Variants in MMP7 observed in about 807,000 individuals in gnomAD.
MMP7 encodes the protein matrix metallopeptidase 7.
MMP7 carries 26 observed loss-of-function variants against 31.5 expected under a neutral mutation model. That is an observed-to-expected ratio of 0.83 (90% CI 0.61 to 1.15). The LOEUF is 1.15. Among genes scored for constraint, MMP7 ranks in the 50% most tolerant of loss-of-function variants. MMP7 has a pLI of 0.00. For synonymous variants in MMP7, 142 were observed against 124.2 expected, an observed-to-expected ratio of 1.14 and a Z score of -0.95; for missense variants, 367 against 326.5, an observed-to-expected ratio of 1.12 and a Z score of -0.96.
chr11:102,524,939 G>A lies in MMP7; in HGVS notation c.610C>T (p.Leu204=). The A allele has an allele frequency of 6.2e-7, 1 of 1,613,618 alleles. No individual in the cohort carries two copies. The highest frequency in any genetic ancestry group is 8.5e-7 in the Non-Finnish European group (1 of 1,179,784). Residue 204 remains leucine (L), a synonymous_variant, in exon 4 of 6, where the codon CTA becomes TTA. Transcript: ENST00000260227. ...EDERWTDGSS[L]GINFLYAATH... is the part of the protein sequence containing the mutation. Reference sequence around the variant, plus strand: ...GAAGAGACATGAGATGCTATACCTAGACTGCTACCATCCGTCCAGCGTTCA... The same window carrying A: ...GAAGAGACATGAGATGCTATACCTAAACTGCTACCATCCGTCCAGCGTTCA...
intron 3 of MMP7, 145 bp downstream of exon 3, chr11:102,527,379 T>A: frequency 9.8e-7 from 1 of 1,017,496 alleles, no homozygotes. Flanking sequence ...AAAATTATAA[T>A]AATATTGCTA....
At chr11:102,528,799 C>T (rs545759139) in intron 1 of MMP7, among the ~76,000 whole-genome samples, 2 of 152,262 alleles carry the variant, frequency 1.3e-5, no homozygotes, top group African/African-American at 4.8e-5. Context: ...AATACAACAA[C>T]AACAAAAGTG....
chr11:102,524,135 T>C (rs1031009440), intron 4 of MMP7: 1 of 152,182 alleles, frequency 6.6e-6, no homozygotes, highest in Non-Finnish European at 1.5e-5. Flanking sequence ...GCCTTTAACC[T>C]ACCTTAAGTG....
rs1052867685 is a variant in MMP7 at position 102,530,725 on chromosome 11, C to G, written c.-25G>C. On this transcript the variant is annotated 5_prime_UTR_variant, in exon 1 of 6. Transcript: ENST00000260227. The stretch of plus-strand genomic sequence containing the variant: ...TAGCTGCCGTCCAGAGACAATTGTT[C>G]TTGGACCTATGGTTGATTTGGTGTT... 1 of 1,599,912 alleles carries G rather than the reference C, an allele frequency of 6.3e-7. No homozygotes were observed. Among genetic ancestry groups the G allele is most frequent in the Admixed American group, 1.7e-5 (1 of 59,738 alleles).
At chr11:102,523,069 G>A (rs1361575147) in intron 5 of MMP7, among the ~76,000 whole-genome samples, 171 bp downstream of exon 5, 1 of 152,082 alleles carries the variant, frequency 6.6e-6, no homozygotes, top group Non-Finnish European at 1.5e-5. Context: ...GTATATTACA[G>A]CCTAGTTATA....
intron 3 of MMP7, chr11:102,526,869 G>A (rs551978451): frequency 5.2e-5 from 8 of 152,546 alleles, no homozygotes; most frequent in East Asian, 3.9e-4. Context: ...GTTTAAATAC[G>A]TTTAGACACA....
At chr11:102,525,164 C>T in intron 3 of MMP7, 100 bp from the exon 4 acceptor site, 1 of 1,432,750 alleles carries the variant, frequency 7.0e-7, no homozygotes, top group Non-Finnish European at 9.3e-7. Context: ...GAAAAAGCAG[C>T]CCAGTCCAGG....
chr11:102,522,990 G>A (rs1230292817), intron 5 of MMP7, among the ~76,000 whole-genome samples: 1 of 152,078 alleles, frequency 6.6e-6, no homozygotes, highest in Non-Finnish European at 1.5e-5. Context: ...AGAAAATCTG[G>A]ACAATATCAT....
chr11:102,527,837 G>A lies in MMP7; in HGVS notation c.255C>T (p.Pro85=), dbSNP rs554549227. The A allele has an allele frequency of 2.5e-6, 4 of 1,614,094 alleles. No individual in the cohort carries two copies. In the African/African-American group the frequency reaches 4.0e-5, roughly 16 times the overall value. The change falls in exon 2 of 6, where the codon CCC becomes CCT. Residue 85 remains proline, a synonymous_variant. Transcript: ENST00000260227. ...NSRVIEIMQK[P]RCGVPDVAEY... ...CTGCAACATCTGGCACTCCACATCT[G>A]GGCTTCTGCATTATTTCTATGACGC... is the stretch of plus-strand genomic sequence containing the variant.
chr11:102,527,494 AC>A, intron 3 of MMP7, 29 bp downstream of exon 3: 1 of 1,614,086 alleles, frequency 6.2e-7, no homozygotes, highest in East Asian at 2.2e-5. Context: ...AAAACAGGAC[AC>A]AGGATTAGCC....
intron 1 of MMP7, among the ~76,000 whole-genome samples, chr11:102,530,276 A>G (rs1291665426): frequency 6.6e-6 from 1 of 152,214 alleles, no homozygotes; most frequent in African/African-American, 2.4e-5. Flanking sequence ...ATGCTTCACA[A>G]CACCCTCATT....
At chr11:102,529,742 G>A (rs1227947549) in intron 1 of MMP7, among the ~76,000 whole-genome samples, 1 of 152,058 alleles carries the variant, frequency 6.6e-6, no homozygotes, top group Non-Finnish European at 1.5e-5. Flanking sequence ...ATATTTATTA[G>A]ACTGCTTATT....
chr11:102,523,206 G>T, intron 5 of MMP7, 34 bp downstream of exon 5: 1 of 1,528,178 alleles, frequency 6.5e-7, no homozygotes, highest in South Asian at 1.2e-5. Flanking sequence ...AAAAGAAAAT[G>T]GGAAATCCTC....
In MMP7 at chr11:102,527,964, T is replaced by TA; in HGVS notation, c.127dup (p.Tyr43LeufsTer4). ...ATTTTTTGTTTCTGAGTCATAGAGA[T>TA]AAAATCTCTTGAGATAGTCCTATTG... On this transcript the variant is annotated frameshift_variant, in exon 2 of 6. Transcript: ENST00000260227. LOFTEE classifies it high-confidence loss of function. 2 of 1,613,296 alleles carry TA rather than the reference T, an allele frequency of 1.2e-6. No individual in the cohort carries two copies. Among genetic ancestry groups the TA allele is most frequent in the South Asian group, 1.1e-5 (1 of 91,066 alleles).
chr11:102,526,378 T>C (rs1277817313), intron 3 of MMP7, among the ~76,000 whole-genome samples: 1 of 151,860 alleles, frequency 6.6e-6, no homozygotes, highest in East Asian at 1.9e-4. Flanking sequence ...CAGCTGGAAT[T>C]ACAGGCATGC....
rs1010094931 is a variant in MMP7 at position 102,525,031 on chromosome 11, C to T, written c.518G>A (p.Gly173Glu). ...CGCAAAGGCATGAGCCAGCGTGTTT[C>T]CTGGCCCATCAAATGGGTAGGAGTC... is the stretch of plus-strand genomic sequence containing the variant. ...HGDSYPFDGPGNTLAHAFAPG... is the reference protein window; with the variant it reads ...HGDSYPFDGPENTLAHAFAPG... Residue 173 changes from glycine (G) to glutamate (E), a missense_variant, in exon 4 of 6, where the codon GGA becomes GAA. Transcript: ENST00000260227. The T allele has an allele frequency of 2.5e-6, 4 of 1,613,128 alleles. No individual in the cohort carries two copies. In the South Asian group the frequency reaches 3.3e-5, roughly 13 times the overall value.
chr11:102,524,786 A>T, intron 4 of MMP7, 150 bp downstream of exon 4: 1 of 780,840 alleles, frequency 1.3e-6, no homozygotes, highest in Non-Finnish European at 1.8e-6. Flanking sequence ...TGAGTATATT[A>T]CATGAAATAA....
chr11:102,522,003 C>A (rs755592981), intron 5 of MMP7, among the ~76,000 whole-genome samples: 2 of 152,140 alleles, frequency 1.3e-5, no homozygotes, highest in Admixed American at 6.5e-5. Flanking sequence ...GTTTATGGGA[C>A]TCATTGAGAC....
Position 102,520,586 on chromosome 11 carries a change from G to A in MMP7, c.*190C>T, listed in dbSNP as rs553010271. The A allele has an allele frequency of 4.6e-5, 23 of 502,614 alleles. No individual in the cohort carries two copies. Among genetic ancestry groups the A allele is most frequent in the African/African-American group, 3.6e-4 (19 of 52,184 alleles). 31.1% of individuals were successfully genotyped at this position (502,614 alleles called of 1,614,324 possible). ...ACATCTACCCACTGCAAGTATAGATGAATAAGACACAGTCACACCATAAAG... is the reference window on the plus strand; with the variant it reads ...ACATCTACCCACTGCAAGTATAGATAAATAAGACACAGTCACACCATAAAG... On this transcript the variant is annotated 3_prime_UTR_variant, in exon 6 of 6. Transcript: ENST00000260227.
Sources: allele counts gnomAD v4.1 joint callset (sites outside exome capture counted in the v4.1 genomes callset), GRCh38; gene constraint gnomAD v4.1.1; transcripts MANE v1.5; gene names NCBI Gene and HGNC (gene_info 2026-07-23, HGNC 2026-07-21).